Variants in KATNIP observed in about 807,000 individuals in gnomAD.
KATNIP encodes katanin-interacting protein.
Under a neutral mutation model 174.0 loss-of-function variants are expected in KATNIP, and 126 were observed. The observed-to-expected ratio is 0.72, with a 90% CI of 0.63 to 0.84. The LOEUF is 0.84. Ranked by LOEUF, KATNIP falls within the 40% of genes least tolerant of loss-of-function variation. KATNIP has a pLI of 0.00. For missense variants in KATNIP, 1,958 were observed against 2,109.7 expected (o/e 0.93, Z 1.41); for synonymous variants, 810 against 835.7 (o/e 0.97, Z 0.53).
intron 1 of KATNIP, among the ~76,000 whole-genome samples, chr16:27,553,221 A>T (rs918690632): frequency 2.0e-5 from 3 of 152,240 alleles, no homozygotes; most frequent in Non-Finnish European, 4.4e-5. Flanking sequence ...TACGGTATTT[A>T]AAAAATCACA....
At chr16:27,681,211 C>T (rs752431848) in intron 7 of KATNIP, 188 bp from the exon 8 acceptor site, 6 of 673,280 alleles carry the variant, frequency 8.9e-6, no homozygotes, top group African/African-American at 3.6e-5. Context: ...TGGTGCTGGG[C>T]ACACCATGAC....
intron 5 of KATNIP, among the ~76,000 whole-genome samples, chr16:27,641,205 T>G (rs2076785362): frequency 6.6e-6 from 1 of 151,988 alleles, no homozygotes. Context: ...TTTCATGCTT[T>G]CAGTTCAAAT....
chr16:27,606,206 G>T (rs139354813), intron 2 of KATNIP, among the ~76,000 whole-genome samples: 14 of 152,186 alleles, frequency 9.2e-5, no homozygotes, highest in African/African-American at 3.1e-4. Context: ...GCTCCACAGC[G>T]CTGGGACACA....
At chr16:27,604,360 A>C (rs2075633749) in intron 2 of KATNIP, among the ~76,000 whole-genome samples, 1 of 152,172 alleles carries the variant, frequency 6.6e-6, no homozygotes, top group African/African-American at 2.4e-5. Flanking sequence ...CAGCCTGTGA[A>C]GTAGCTTGGA....
chr16:27,723,678 T>C (rs150845182), intron 14 of KATNIP, among the ~76,000 whole-genome samples: 2 of 152,278 alleles, frequency 1.3e-5, no homozygotes, highest in African/African-American at 4.8e-5. Context: ...CATAAGCAGT[T>C]GTGTTATCCT....
intron 14 of KATNIP, among the ~76,000 whole-genome samples, chr16:27,723,806 C>T (rs2080334827): frequency 6.7e-6 from 1 of 149,802 alleles, no homozygotes; most frequent in Non-Finnish European, 1.5e-5. Context: ...TTCCTCCCTT[C>T]CTCCCTCCCT....
In KATNIP at chr16:27,765,441, C is replaced by T. The variant is rs190567046; in HGVS notation, c.3810-868C>T. On this transcript the variant is annotated intron_variant, in intron 19 of 27. Transcript: ENST00000261588. ...CCAGCTGGGAAGAGCATGAGGGGCT[C>T]CCTCCTACAGGTTAGAGGCTTCCCT... is the stretch of plus-strand genomic sequence containing the variant. Among the ~76,000 whole-genome samples the T allele has an allele frequency of 1.1e-3, 171 of 152,310 alleles. 2 individuals are homozygous for T. Among genetic ancestry groups the T allele is most frequent in the Non-Finnish European group, 2.1e-3 (141 of 68,024 alleles).
rs919426835 is a variant in KATNIP at position 27,571,026 on chromosome 16, T to TTTTG, written c.8-2855_8-2852dup. On this transcript the variant is annotated intron_variant, in intron 1 of 27. Transcript: ENST00000261588. Reference sequence around the variant, plus strand: ...TGCCCAGTTACGTTAATATTTTGGTTTTTGTTTGTTTGTTTGTTTGTTTTG... The same window carrying TTTTG: ...TGCCCAGTTACGTTAATATTTTGGTTTTTGTTTGTTTGTTTGTTTGTTTGTTTTG... Among the ~76,000 whole-genome samples the TTTTG allele has an allele frequency of 5.8e-4, 88 of 152,172 alleles. 1 individual carries two copies. The highest frequency in any genetic ancestry group is 3.4e-3 in the Middle Eastern group (1 of 292).
At position 27,751,160 on chromosome 16, in the gene KATNIP, G is replaced by A. The variant is rs7201065; in HGVS notation, c.3347-559G>A. Among the ~76,000 whole-genome samples, 409 of 152,282 alleles carry A rather than the reference G, an allele frequency of 2.7e-3. 3 individuals carry two copies. Among genetic ancestry groups the A allele is most frequent in the African/African-American group, 8.6e-3 (358 of 41,560 alleles). ...TCTGAGATGGGGCATTCTTTGGCAA[G>A]TGACTTATGGAGGGAGTGCTCCTAG... On this transcript the variant is annotated intron_variant, in intron 16 of 27. Coordinates refer to ENST00000261588, the MANE Select transcript of KATNIP (RefSeq NM_015202.5).
intron 17 of KATNIP, 53 bp downstream of exon 17, chr16:27,751,977 C>T: frequency 6.8e-7 from 1 of 1,460,692 alleles, no homozygotes; most frequent in Non-Finnish European, 9.2e-7. Flanking sequence ...GTTTCTTCCC[C>T]TAACTCAGAG....
At chr16:27,753,409 A>G (rs2081592776) in intron 17 of KATNIP, among the ~76,000 whole-genome samples, 1 of 152,130 alleles carries the variant, frequency 6.6e-6, no homozygotes, top group Admixed American at 6.5e-5. Flanking sequence ...AGGTGCTCGT[A>G]AGGGACTCTG....
In KATNIP at chr16:27,681,494, C is replaced by T; in HGVS notation, c.904C>T (p.Pro302Ser). 6.2e-7 allele frequency: 1 copy of T among 1,614,236 alleles called. No homozygotes were observed. The highest frequency in any genetic ancestry group is 8.5e-7 in the Non-Finnish European group (1 of 1,180,034). The part of the protein sequence containing the change: ...KPEPNLTPQA[P>S]AVFPDQERMC... Reference sequence around the variant, plus strand: ...TGAGCCAAACCTGACTCCCCAAGCTCCTGCTGTATTCCCAGACCAGGAGAG... The same window carrying T: ...TGAGCCAAACCTGACTCCCCAAGCTTCTGCTGTATTCCCAGACCAGGAGAG... Residue 302 changes from proline to serine, a missense_variant, in exon 8 of 28, where the codon CCT becomes TCT. Coordinates refer to ENST00000261588, the MANE Select transcript of KATNIP (RefSeq NM_015202.5).
chr16:27,615,158 TCA>T (rs2076004935), intron 2 of KATNIP, among the ~76,000 whole-genome samples: 1 of 152,138 alleles, frequency 6.6e-6, no homozygotes, highest in Non-Finnish European at 1.5e-5. Context: ...AGACAGGGTC[TCA>T]CTCTGTTGCC....
chr16:27,652,950 G>T (rs553101804), intron 6 of KATNIP, among the ~76,000 whole-genome samples: 3 of 152,170 alleles, frequency 2.0e-5, no homozygotes, highest in African/African-American at 7.2e-5. Context: ...CATAAGCGAT[G>T]ATTATGCCAC....
At chr16:27,653,772 C>T (rs1377655299) in intron 6 of KATNIP, among the ~76,000 whole-genome samples, 3 of 151,918 alleles carry the variant, frequency 2.0e-5, no homozygotes, top group Non-Finnish European at 4.4e-5. Flanking sequence ...AGTCATCCTG[C>T]GTCAGCCTCC....
At chr16:27,724,119 T>C (rs993383717) in intron 14 of KATNIP, among the ~76,000 whole-genome samples, 2 of 152,192 alleles carry the variant, frequency 1.3e-5, no homozygotes, top group African/African-American at 4.8e-5. Flanking sequence ...TCTCTGGGCA[T>C]GTCTCTGCTT....
At chr16:27,620,962 A>G (rs1276473648) in intron 3 of KATNIP, among the ~76,000 whole-genome samples, 2 of 152,226 alleles carry the variant, frequency 1.3e-5, no homozygotes. Flanking sequence ...CTCAAAGTAA[A>G]TGGACTTAAG....
chr16:27,675,233 C>T (rs1269053992), intron 6 of KATNIP, among the ~76,000 whole-genome samples: 1 of 152,190 alleles, frequency 6.6e-6, no homozygotes, highest in Non-Finnish European at 1.5e-5. Flanking sequence ...TACATGGTGG[C>T]AGGCAAGAGA....
intron 6 of KATNIP, among the ~76,000 whole-genome samples, chr16:27,664,693 A>G (rs752797347): frequency 6.6e-6 from 1 of 152,226 alleles, no homozygotes; most frequent in African/African-American, 2.4e-5. Flanking sequence ...TTTGCCTTAT[A>G]TATTTCAAAT....
Sources: allele counts gnomAD v4.1 joint callset (sites outside exome capture counted in the v4.1 genomes callset), GRCh38; gene constraint gnomAD v4.1.1; transcripts MANE v1.5; gene names NCBI Gene and HGNC (gene_info 2026-07-23, HGNC 2026-07-21).